The following SRD5A2 variants were observed in gnomAD, a reference collection of about 807,000 sequenced individuals.
SRD5A2 encodes 3-oxo-5-alpha-steroid 4-dehydrogenase 2.
Under a neutral mutation model 27.4 loss-of-function variants are expected in SRD5A2, and 30 were observed. The observed-to-expected ratio is 1.10, with a 90% confidence interval of 0.82 to 1.49. The LOEUF (loss-of-function observed/expected upper bound fraction) is 1.49. Among genes scored for constraint, SRD5A2 ranks in the 40% most tolerant of loss-of-function variants. The pLI is 0.00. For missense variants in SRD5A2, 348 were observed against 323.4 expected (o/e 1.08, Z -0.58); for synonymous variants, 141 against 133.6 (o/e 1.06, Z -0.38).
the SRD5A2 span, among the ~76,000 whole-genome samples, chr2:31,590,421 T>C: frequency 6.6e-6 from 1 of 152,114 alleles, no homozygotes; most frequent in Non-Finnish European, 1.5e-5. Context: ...TCCTAGGTAT[T>C]TTATTCTCTT....
intron 1 of SRD5A2, 56 bp from the exon 2 acceptor site, chr2:31,533,822 C>T: frequency 6.5e-7 from 1 of 1,537,652 alleles, no homozygotes; most frequent in Non-Finnish European, 8.8e-7. Flanking sequence ...AACATGGTCT[C>T]ATCCCCACCT....
At chr2:31,578,306 T>C (rs1387056595) in intron 1 of SRD5A2, among the ~76,000 whole-genome samples, 2 of 152,202 alleles carry the variant, frequency 1.3e-5, no homozygotes, top group Non-Finnish European at 2.9e-5. Flanking sequence ...TGAGGTCGCA[T>C]TTATCCAACA....
At chr2:31,630,862 C>T in the SRD5A2 span, among the ~76,000 whole-genome samples, 1 of 152,136 alleles carries the variant, frequency 6.6e-6, no homozygotes, top group African/African-American at 2.4e-5. Flanking sequence ...CCGACCAGAC[C>T]TAGAAGGAAC....
At chr2:31,574,886 A>T (rs1174533797) in intron 1 of SRD5A2, among the ~76,000 whole-genome samples, 2 of 152,214 alleles carry the variant, frequency 1.3e-5, no homozygotes, top group Non-Finnish European at 2.9e-5. Flanking sequence ...ATAAAGCTTT[A>T]TTGGAATACA....
At chr2:31,611,010 G>A in the SRD5A2 span, among the ~76,000 whole-genome samples, 1 of 152,098 alleles carries the variant, frequency 6.6e-6, no homozygotes, top group African/African-American at 2.4e-5. Context: ...TCAGGAGGTT[G>A]AGGCAGGAGA....
At chr2:31,554,540 A>G (rs149468878) in intron 1 of SRD5A2, among the ~76,000 whole-genome samples, 1 of 152,302 alleles carries the variant, frequency 6.6e-6, no homozygotes, top group East Asian at 1.9e-4. Flanking sequence ...TTAGAGAAGA[A>G]TCCTAAAACA....
At chr2:31,627,402 A>C in the SRD5A2 span, among the ~76,000 whole-genome samples, 1 of 150,470 alleles carries the variant, frequency 6.6e-6, no homozygotes, top group Non-Finnish European at 1.5e-5. Context: ...TTCATAGAAC[A>C]GCTCCTGTAT....
rs578242959 is a variant in SRD5A2 at position 31,569,126 on chromosome 2, G to A, written c.281+11494C>T. ...GCCCCACCAACTTGGTAGGGGATGG[G>A]GCTCATGCCTGTTCCTGGCCGTGCC... On this transcript the variant is annotated intron_variant, in intron 1 of 4. Transcript: ENST00000622030. Among the ~76,000 whole-genome samples, 5 of 152,364 alleles carry A rather than the reference G, an allele frequency of 3.3e-5. No homozygotes were observed. The South Asian group carries it at 1.0e-3, about 32-fold the overall frequency.
At chr2:31,534,643 C>T (rs561143174) in intron 1 of SRD5A2, among the ~76,000 whole-genome samples, 7 of 152,298 alleles carry the variant, frequency 4.6e-5, no homozygotes, top group African/African-American at 7.2e-5. Context: ...CAAATGCACA[C>T]GCACATGCTC....
the SRD5A2 span, among the ~76,000 whole-genome samples, chr2:31,630,031 G>C: frequency 6.6e-6 from 1 of 152,156 alleles, no homozygotes; most frequent in African/African-American, 2.4e-5. Flanking sequence ...CCCTCAATAT[G>C]GGCAGTTATG....
At chr2:31,577,336 A>G (rs1306362902) in intron 1 of SRD5A2, among the ~76,000 whole-genome samples, 2 of 151,932 alleles carry the variant, frequency 1.3e-5, no homozygotes, top group Admixed American at 6.6e-5. Flanking sequence ...TAACTATGCA[A>G]TCTCAGCAAT....
the SRD5A2 span, among the ~76,000 whole-genome samples, chr2:31,650,332 T>C: frequency 1.2e-4 from 19 of 152,032 alleles, no homozygotes; most frequent in Non-Finnish European, 2.8e-4. Flanking sequence ...ATGGGCAAAA[T>C]CCAGGATGGG....
rs961535017 is a variant in SRD5A2, at chr2:31,526,280, A to G, written c.699-18T>C. On this transcript the variant is annotated intron_variant, in intron 4 of 4. Coordinates refer to ENST00000622030, the MANE Select transcript of SRD5A2 (RefSeq NM_000348.4). ...GGTAGAACCTAAAAGACAAGAAAGG[A>G]ATAATTGTAAATATAATGGAGCAGT... The G allele has an allele frequency of 2.0e-6, 3 of 1,498,788 alleles. No homozygotes were observed. Among genetic ancestry groups the G allele is most frequent in the African/African-American group, 2.8e-5 (2 of 72,074 alleles). The allele number at this position is 1,498,788 out of a possible 1,614,324, so 92.8% of individuals were successfully genotyped here.
At chr2:31,616,174 G>A in the SRD5A2 span, among the ~76,000 whole-genome samples, 3 of 152,102 alleles carry the variant, frequency 2.0e-5, no homozygotes, top group Non-Finnish European at 4.4e-5. Context: ...ATGCCTGGAT[G>A]TCCAGGCAGA....
At chr2:31,600,229 C>T in the SRD5A2 span, among the ~76,000 whole-genome samples, 3 of 151,878 alleles carry the variant, frequency 2.0e-5, no homozygotes, top group East Asian at 3.9e-4. Flanking sequence ...ATCCAGTCTG[C>T]CATTTGTGGG....
At chr2:31,529,243 T>C in intron 4 of SRD5A2, 64 bp downstream of exon 4, 1 of 1,597,096 alleles carries the variant, frequency 6.3e-7, no homozygotes, top group Non-Finnish European at 8.5e-7. Context: ...CCTCTGCGGG[T>C]TAAAAGCCTG....
At position 31,523,275 on chromosome 2, in the gene SRD5A2, A is replaced by G. The variant is rs1301921169; in HGVS notation, c.*2921T>C. The G allele has an allele frequency of 4.6e-6, 1 of 215,456 alleles. No homozygotes were observed. Among genetic ancestry groups the G allele is most frequent in the Non-Finnish European group, 9.4e-6 (1 of 106,828 alleles). 13.3% of individuals were successfully genotyped at this position (215,456 alleles called of 1,614,324 possible). ...CGGAGCGAGGGAAGCCTCACACACA[A>G]ACAGGCATGGGACAATAGGTGTATA... is the stretch of plus-strand genomic sequence containing the variant. On this transcript the variant is annotated 3_prime_UTR_variant, in exon 5 of 5. Coordinates refer to ENST00000622030, the MANE Select transcript of SRD5A2 (RefSeq NM_000348.4).
Position 31,529,319 on chromosome 2 carries a change from A to G in SRD5A2, c.686T>C (p.Phe229Ser), listed in dbSNP as rs1425602296. The change falls in exon 4 of 5, where the codon TTT becomes TCT. Residue 229 changes from phenylalanine (F) to serine (S), a missense_variant. Coordinates refer to ENST00000622030, the MANE Select transcript of SRD5A2 (RefSeq NM_000348.4). ...FSLCFLGLRA[F>S]HHHRFYLKMF... is the part of the protein sequence containing the mutation. ...TTGAAAAATTTACCTATGGTGGTGAAAAGCTCGCAGCCCAAGGAAACAAAG... is the reference window on the plus strand; with the variant it reads ...TTGAAAAATTTACCTATGGTGGTGAGAAGCTCGCAGCCCAAGGAAACAAAG... The G allele has an allele frequency of 8.7e-6, 14 of 1,613,772 alleles. No individual in the cohort carries two copies. The highest frequency in any genetic ancestry group is 5.0e-5 in the Admixed American group (3 of 60,000).
the SRD5A2 span, among the ~76,000 whole-genome samples, chr2:31,606,978 G>A: frequency 6.6e-6 from 1 of 151,898 alleles, no homozygotes; most frequent in African/African-American, 2.4e-5. Flanking sequence ...AGAGAAATGA[G>A]AAATCACAGC....
Sources: allele counts gnomAD v4.1 joint callset (sites outside exome capture counted in the v4.1 genomes callset), GRCh38; gene constraint gnomAD v4.1.1; transcripts MANE v1.5; gene names NCBI Gene and HGNC (gene_info 2026-07-23, HGNC 2026-07-21).